TRIM51: variants seen among roughly 807,000 people sequenced by gnomAD.
TRIM51 encodes the protein tripartite motif-containing 51.
A neutral mutation model predicts 32.7 loss-of-function variants in TRIM51; 23 were observed. The ratio of observed to expected loss-of-function variants is 0.70; its 90% CI spans 0.51 to 1.00. The LOEUF (loss-of-function observed/expected upper bound fraction) is 1.00. Among genes scored for constraint, TRIM51 ranks in the 50% least tolerant of loss-of-function variants. The pLI is 0.00. For synonymous variants in TRIM51, 177 were observed against 181.9 expected (o/e 0.97, Z 0.22); for missense variants, 592 against 539.2 (o/e 1.10, Z -0.97).
chr11:55,884,172 T>TATATATATATAC (rs1156348121), intron 1 of TRIM51, among the ~76,000 whole-genome samples: 1 of 123,956 alleles, frequency 8.1e-6, no homozygotes, highest in African/African-American at 3.1e-5. Context: ...TATATATATA[T>TATATATATATAC]ATATATATAT....
intron 3 of TRIM51, among the ~76,000 whole-genome samples, chr11:55,887,184 G>A (rs1241915295): frequency 6.6e-6 from 1 of 151,870 alleles, no homozygotes; most frequent in African/African-American, 2.4e-5. Flanking sequence ...CAGAAAAAAG[G>A]CTCATGGAAA....
At chr11:55,887,962 C>T (rs1239540487) in intron 3 of TRIM51, 70 bp from the exon 4 acceptor site, 9 of 1,136,186 alleles carry the variant, frequency 7.9e-6, no homozygotes, top group East Asian at 2.4e-5. Context: ...GTTTAGAATG[C>T]TAAGAGGAAT....
chr11:55,886,396 T>C (rs538514824), intron 3 of TRIM51, among the ~76,000 whole-genome samples, 178 bp downstream of exon 3: 1 of 152,326 alleles, frequency 6.6e-6, no homozygotes, highest in Non-Finnish European at 1.5e-5. Context: ...TTTGGTAGGA[T>C]ATCTAATCAG....
rs143840865 is a variant in TRIM51, at chr11:55,884,157, C to CTA, written c.-5+798_-5+799dup. ...CCATAGGATGTGTACATAACTATAACTATATATATATATATATATATATAT... is the reference window on the plus strand; with the variant it reads ...CCATAGGATGTGTACATAACTATAACTATATATATATATATATATATATATAT... On this transcript the variant is annotated intron_variant, in intron 1 of 6. Coordinates refer to ENST00000449290, the MANE Select transcript of TRIM51 (RefSeq NM_032681.4). Among the ~76,000 whole-genome samples, 239 of 61,528 alleles carry CTA rather than the reference C, an allele frequency of 3.9e-3. 20 individuals carry two copies. Among genetic ancestry groups the CTA allele is most frequent in the South Asian group, 0.023 (15 of 644 alleles). The allele number at this position is 61,528 out of a possible 152,430, so 40.4% of individuals were successfully genotyped here.
chr11:55,891,537 T>C lies in TRIM51; in HGVS notation c.1264T>C (p.Phe422Leu), dbSNP rs1311694078. 3 of 1,613,518 alleles carry C rather than the reference T, an allele frequency of 1.9e-6. No individual in the cohort carries two copies. The highest frequency in any genetic ancestry group is 2.5e-6 in the Non-Finnish European group (3 of 1,179,728). Reference sequence around the variant, plus strand: ...GGATTGTGAAGGTAGAACCGTGAGCTTTGTTGATGTTGATCAAAGTTCCCT... The same window carrying C: ...GGATTGTGAAGGTAGAACCGTGAGCCTTGTTGATGTTGATCAAAGTTCCCT... Reference protein sequence around the residue: ...FLDCEGRTVSFVDVDQSSLIY... With the variant: ...FLDCEGRTVSLVDVDQSSLIY... Residue 422 changes from phenylalanine (F) to leucine (L), a missense_variant, in exon 7 of 7, where the codon TTT becomes CTT. Coordinates refer to ENST00000449290, the MANE Select transcript of TRIM51 (RefSeq NM_032681.4).
At chr11:55,887,224 G>A (rs1236503344) in intron 3 of TRIM51, among the ~76,000 whole-genome samples, 1 of 151,730 alleles carries the variant, frequency 6.6e-6, no homozygotes, top group East Asian at 1.9e-4. Context: ...TCTTGATCAG[G>A]AGGAAATGTG....
chr11:55,888,438 C>T (rs191552422), intron 4 of TRIM51, among the ~76,000 whole-genome samples, 176 bp downstream of exon 4: 19 of 152,246 alleles, frequency 1.2e-4, no homozygotes, highest in African/African-American at 4.3e-4. Flanking sequence ...TCTACTAGAC[C>T]GAAGGTCCCT....
intron 1 of TRIM51, among the ~76,000 whole-genome samples, chr11:55,883,591 A>T (rs1440043551): frequency 6.6e-6 from 1 of 152,104 alleles, no homozygotes; most frequent in East Asian, 1.9e-4. Flanking sequence ...ATTTTTGAAA[A>T]ATTTTAGATA....
intron 3 of TRIM51, among the ~76,000 whole-genome samples, chr11:55,887,610 A>T (rs1228828005): frequency 6.6e-6 from 1 of 152,118 alleles, no homozygotes; most frequent in Non-Finnish European, 1.5e-5. Context: ...GGTGAAATGC[A>T]TTGAGTTGAC....
chr11:55,888,923 C>T, intron 4 of TRIM51, 56 bp from the exon 5 acceptor site: 2 of 1,510,820 alleles, frequency 1.3e-6, no homozygotes, highest in South Asian at 1.1e-5. Context: ...TCTGAACTTA[C>T]TGGAAGATGC....
intron 1 of TRIM51, among the ~76,000 whole-genome samples, chr11:55,884,157 CTATATATATATATA>C (rs143840865): frequency 4.2e-4 from 26 of 61,558 alleles, no homozygotes; most frequent in African/African-American, 1.0e-3. Context: ...ATAACTATAA[CTATATATATATATA>C]TATATATATA....
intron 3 of TRIM51, among the ~76,000 whole-genome samples, chr11:55,887,600 G>A (rs1854592693): frequency 2.0e-5 from 3 of 152,032 alleles, no homozygotes; most frequent in Admixed American, 2.0e-4. Flanking sequence ...TGTTATGCTG[G>A]GTGAAATGCA....
At position 55,891,560 on chromosome 11, in the gene TRIM51, C is replaced by T. The variant is rs770497525; in HGVS notation, c.1287C>T (p.Ser429=). 20 of 1,613,350 alleles carry T rather than the reference C, an allele frequency of 1.2e-5. No homozygotes were observed. The highest frequency in any genetic ancestry group is 1.7e-5 in the Admixed American group (1 of 59,960). ...TVSFVDVDQS[S]LIYTIPNCSF... is the part of the protein sequence containing the mutation. Reference sequence around the variant, plus strand: ...GCTTTGTTGATGTTGATCAAAGTTCCCTGATATACACCATCCCCAATTGCT... The same window carrying T: ...GCTTTGTTGATGTTGATCAAAGTTCTCTGATATACACCATCCCCAATTGCT... Residue 429 remains serine, a synonymous_variant, in exon 7 of 7, where the codon TCC becomes TCT. Coordinates refer to ENST00000449290, the MANE Select transcript of TRIM51 (RefSeq NM_032681.4).
In TRIM51 at chr11:55,888,265, A is replaced by G. The variant is rs1299343594; in HGVS notation, c.738+3A>G. 2 of 1,605,204 alleles carry G rather than the reference A, an allele frequency of 1.2e-6. No homozygotes were observed. Among genetic ancestry groups the G allele is most frequent in the South Asian group, 1.1e-5 (1 of 90,892 alleles). On this transcript the variant is annotated splice_donor_region_variant and intron_variant, in intron 4 of 6. Coordinates refer to ENST00000449290, the MANE Select transcript of TRIM51 (RefSeq NM_032681.4). ...AAGCAGATGTGGAGCTACTCCAGGT[A>G]TGGACTGACCATGGGGTATCATGAT...
At position 55,885,541 on chromosome 11, in the gene TRIM51, G is replaced by C; in HGVS notation, c.113G>C (p.Cys38Ser). 1 of 1,612,032 alleles carries C rather than the reference G, an allele frequency of 6.2e-7. No individual in the cohort carries two copies. The highest frequency in any genetic ancestry group is 8.5e-7 in the Non-Finnish European group (1 of 1,179,770). The change falls in exon 2 of 7, where the codon TGT (cysteine) becomes TCT (serine). Residue 38 changes from cysteine (C) to serine (S), a missense_variant. Coordinates refer to ENST00000449290, the MANE Select transcript of TRIM51 (RefSeq NM_032681.4). ...TGTGGGCACAGCTTTTGCCGGCCCT[G>C]TTTGTACCTCAACTGGCAAGACACG... is the stretch of plus-strand genomic sequence containing the variant. ...IDCGHSFCRPCLYLNWQDTAV... is the reference protein window; with the variant it reads ...IDCGHSFCRPSLYLNWQDTAV...
intron 3 of TRIM51, among the ~76,000 whole-genome samples, chr11:55,886,523 T>C (rs1854581160): frequency 6.6e-6 from 1 of 152,106 alleles, no homozygotes; most frequent in African/African-American, 2.4e-5. Flanking sequence ...CCTGGATAAA[T>C]TCTGGACACA....
chr11:55,888,583 G>T (rs543125428), intron 4 of TRIM51, among the ~76,000 whole-genome samples: 1 of 152,268 alleles, frequency 6.6e-6, no homozygotes, highest in South Asian at 2.1e-4. Flanking sequence ...TGATTCATTG[G>T]CATTTAGGCT....
rs749817663 is a variant in TRIM51 at position 55,888,104 on chromosome 11, G to T, written c.580G>T (p.Glu194Ter). 6.2e-7 allele frequency: 1 copy of T among 1,613,636 alleles called. No homozygotes were observed. Among genetic ancestry groups the T allele is most frequent in the Non-Finnish European group, 8.5e-7 (1 of 1,179,680 alleles). ...QKMPAFLHEE[E>*]QHHLERLRKE... ...GATGCCTGCATTTCTCCATGAAGAA[G>T]AGCAACATCACTTGGAAAGGCTGCG... The change falls in exon 4 of 7, where the codon GAG becomes TAG. Residue 194 changes from glutamate (E) to a stop codon, truncating the protein, a stop_gained. Transcript: ENST00000449290. LOFTEE classifies it high-confidence loss of function.
chr11:55,889,158 G>T (rs1038667347), intron 5 of TRIM51, among the ~76,000 whole-genome samples, 157 bp downstream of exon 5: 1 of 151,470 alleles, frequency 6.6e-6, no homozygotes, highest in Non-Finnish European at 1.5e-5. Flanking sequence ...CTATTTTGTT[G>T]CCATACTCAG....
Sources: gnomAD v4.1 joint callset for allele counts (sites outside exome capture counted in the v4.1 genomes callset) on GRCh38, gnomAD v4.1.1 for gene constraint, MANE v1.5 for transcripts, NCBI Gene and HGNC (gene_info 2026-07-23, HGNC 2026-07-21) for gene names.